The following EFCAB8 variants were observed in gnomAD, a reference collection of about 807,000 sequenced individuals.
EFCAB8 encodes the protein EF-hand calcium-binding domain-containing protein 8.
Under a neutral mutation model 116.3 loss-of-function variants are expected in EFCAB8, and 100 were observed. That is an observed-to-expected ratio of 0.86 (90% CI 0.73 to 1.02). The LOEUF (loss-of-function observed/expected upper bound fraction) is 1.02, where lower values mean the gene tolerates loss of function less well. Ranked by LOEUF, EFCAB8 falls within the 50% of genes least tolerant of loss-of-function variation. The pLI is 0.00. For synonymous variants in EFCAB8, 558 were observed against 567.9 expected (o/e 0.98, Z 0.25); for missense variants, 1,320 against 1,416.9 (o/e 0.93, Z 1.10).
chr20:32,883,014 A>G (rs1049935186), intron 5 of EFCAB8, among the ~76,000 whole-genome samples: 2 of 152,104 alleles, frequency 1.3e-5, no homozygotes, highest in Non-Finnish European at 2.9e-5. Context: ...TATTTTTAAT[A>G]GAGACGGGAT....
chr20:32,923,634 A>T (rs546545552), intron 20 of EFCAB8, among the ~76,000 whole-genome samples: 5 of 152,212 alleles, frequency 3.3e-5, no homozygotes, highest in African/African-American at 1.2e-4. Flanking sequence ...TTGTGCATAT[A>T]CAAGTACATA....
chr20:32,875,801 GC>G, intron 3 of EFCAB8, 124 bp from the exon 4 acceptor site: 1 of 767,230 alleles, frequency 1.3e-6, no homozygotes, highest in Admixed American at 2.5e-5. Context: ...GAGCCACCGC[GC>G]CTGGCCGTAG....
Position 32,949,587 on chromosome 20 carries a change from A to G in EFCAB8, c.2959+5783A>G, listed in dbSNP as rs538533331. Among the ~76,000 whole-genome samples, 5 of 152,372 alleles carry G rather than the reference A, an allele frequency of 3.3e-5. No homozygotes were observed. The East Asian group carries it at 5.8e-4, about 18-fold the overall frequency. On this transcript the variant is annotated intron_variant, in intron 23 of 26. Transcript: ENST00000400522. ...ATGGAATGGCACAGAAAGTCCAGAG[A>G]TATATCCATACATATATGGACATCT...
intron 5 of EFCAB8, among the ~76,000 whole-genome samples, chr20:32,883,462 A>G (rs1408594188): frequency 2.0e-5 from 3 of 152,162 alleles, no homozygotes; most frequent in Non-Finnish European, 2.9e-5. Flanking sequence ...GGCCTGGGCA[A>G]TCTTACTGGT....
At chr20:32,907,309 G>A (rs907277820) in intron 13 of EFCAB8, among the ~76,000 whole-genome samples, 6 of 152,248 alleles carry the variant, frequency 3.9e-5, no homozygotes, top group Non-Finnish European at 8.8e-5. Flanking sequence ...AAACAGCAGT[G>A]CAGTGTCTGG....
At chr20:32,899,825 C>T (rs984452152) in intron 11 of EFCAB8, among the ~76,000 whole-genome samples, 2 of 152,132 alleles carry the variant, frequency 1.3e-5, no homozygotes, top group Non-Finnish European at 2.9e-5. Context: ...CAGCCCGCCT[C>T]GGCCTCCCAA....
Position 32,909,901 on chromosome 20 carries a change from T to C in EFCAB8, c.1527T>C (p.Cys509=). ...RKRTTHCSPL[C]AVLYSKIFKQ... is the part of the protein sequence containing the mutation. ...GGACCACTCATTGCTCACCCCTGTG[T>C]GCTGTCCTCTACAGCAAGATCTTTA... is the stretch of plus-strand genomic sequence containing the variant. Residue 509 remains cysteine (C), a synonymous_variant, in exon 15 of 27, where the codon TGT becomes TGC. Transcript: ENST00000400522. 8.0e-7 allele frequency: 1 copy of C among 1,249,880 alleles called. No homozygotes were observed. The allele number at this position is 1,249,880 out of a possible 1,614,324, so 77.4% of individuals were successfully genotyped here. A position where few individuals can be genotyped will look rare whatever the true frequency, so the allele number is the denominator to read the frequency against.
intron 2 of EFCAB8, among the ~76,000 whole-genome samples, chr20:32,866,779 TCTTC>T (rs1018493938): frequency 3.5e-5 from 5 of 141,186 alleles, no homozygotes; most frequent in Admixed American, 2.8e-4. Flanking sequence ...TTCCTCCCTT[TCTTC>T]CTTCCTTCCT....
At chr20:32,914,689 AACTC>A (rs1366128370) in intron 17 of EFCAB8, among the ~76,000 whole-genome samples, 22 of 152,074 alleles carry the variant, frequency 1.4e-4, no homozygotes, top group African/African-American at 5.3e-4. Flanking sequence ...GTCTTGTGAG[AACTC>A]ACTCACTATC....
intron 23 of EFCAB8, among the ~76,000 whole-genome samples, chr20:32,945,648 A>G (rs1427185984): frequency 1.3e-5 from 2 of 151,462 alleles, no homozygotes; most frequent in East Asian, 1.9e-4. Context: ...ATGCTTTCCT[A>G]TTTTTTTTGT....
intron 11 of EFCAB8, among the ~76,000 whole-genome samples, chr20:32,900,998 G>A (rs1986400943): frequency 6.6e-6 from 1 of 152,224 alleles, no homozygotes; most frequent in African/African-American, 2.4e-5. Context: ...CACCGCGCCC[G>A]GCCGTCCAGT....
chr20:32,928,426 G>A (rs1295264959), intron 20 of EFCAB8, among the ~76,000 whole-genome samples: 3 of 151,722 alleles, frequency 2.0e-5, no homozygotes, highest in African/African-American at 7.3e-5. Context: ...TAGTAGAGAC[G>A]GGCTTTCACC....
intron 22 of EFCAB8, among the ~76,000 whole-genome samples, chr20:32,939,187 CTTTCTTTCTTTCTT>C (rs1988287686): frequency 1.5e-5 from 1 of 67,608 alleles, no homozygotes; most frequent in Non-Finnish European, 2.9e-5. Context: ...TTCTTTCTTT[CTTTCTTTCTTTCTT>C]TCCTCTCTCT....
chr20:32,949,914 C>T (rs990451101), intron 23 of EFCAB8, among the ~76,000 whole-genome samples: 8 of 152,184 alleles, frequency 5.3e-5, no homozygotes, highest in East Asian at 1.9e-4. Flanking sequence ...GCACAAGAAT[C>T]GCTTGAACCT....
intron 4 of EFCAB8, among the ~76,000 whole-genome samples, chr20:32,878,201 G>A (rs1985089260): frequency 2.6e-5 from 4 of 152,112 alleles, no homozygotes; most frequent in Admixed American, 2.0e-4. Flanking sequence ...GGGAGATTGA[G>A]GCTGCAGTAA....
At chr20:32,935,879 A>G (rs1170868469) in intron 22 of EFCAB8, among the ~76,000 whole-genome samples, 1 of 150,764 alleles carries the variant, frequency 6.6e-6, no homozygotes, top group African/African-American at 2.4e-5. Flanking sequence ...TGTGGATGTT[A>G]CTCCCTTATC....
At chr20:32,933,060 T>C (rs1987969639) in intron 22 of EFCAB8, among the ~76,000 whole-genome samples, 1 of 152,106 alleles carries the variant, frequency 6.6e-6, no homozygotes, top group Admixed American at 6.5e-5. Flanking sequence ...GATAGTATAT[T>C]ATATATGCAT....
rs1986834579 is a variant in EFCAB8, at chr20:32,909,801, G to GC, written c.1447-16dup. The GC allele has an allele frequency of 2.5e-6, 3 of 1,208,786 alleles. No homozygotes were observed. Among genetic ancestry groups the GC allele is most frequent in the Middle Eastern group, 2.1e-4 (1 of 4,760 alleles). The allele number at this position is 1,208,786 out of a possible 1,614,324, so 74.9% of individuals were successfully genotyped here. On this transcript the variant is annotated intron_variant, in intron 14 of 26. Transcript: ENST00000400522. ...AGCCCTTCTGACAGACAAGCTCTCT[G>GC]CCCCTTTCCTCACCTACAGATCGGG...
intron 2 of EFCAB8, among the ~76,000 whole-genome samples, chr20:32,864,790 T>C (rs987513228): frequency 1.8e-4 from 27 of 152,312 alleles, no homozygotes; most frequent in Admixed American, 1.7e-3. Context: ...AGATAATTAA[T>C]ACAAATTAGA....
Sources: allele counts gnomAD v4.1 joint callset (sites outside exome capture counted in the v4.1 genomes callset), GRCh38; gene constraint gnomAD v4.1.1; transcripts MANE v1.5; gene names NCBI Gene and HGNC (gene_info 2026-07-23, HGNC 2026-07-21).